RBFOX2: variants seen among roughly 807,000 people sequenced by gnomAD.
The protein encoded by RBFOX2 is RNA binding protein fox-1 homolog 2.
Under a neutral mutation model 49.1 loss-of-function variants are expected in RBFOX2, and 10 were observed. The observed-to-expected ratio is 0.20, with a 90% CI of 0.13 to 0.35. RBFOX2 has a LOEUF of 0.35. RBFOX2 is among the 10% of genes least tolerant of loss of function. RBFOX2 has a pLI of 1.00. For missense variants in RBFOX2, 323 were observed against 486.9 expected (o/e 0.66, Z 3.17); for synonymous variants, 183 against 187.4 (o/e 0.98, Z 0.19).
At chr22:35,870,509 T>A (rs2044240581) in intron 1 of RBFOX2, among the ~76,000 whole-genome samples, 1 of 152,020 alleles carries the variant, frequency 6.6e-6, no homozygotes, top group Non-Finnish European at 1.5e-5. Flanking sequence ...AAATAAAAAG[T>A]CATGTGATAA....
chr22:36,008,749 G>A (rs2058708578), intron 1 of RBFOX2, among the ~76,000 whole-genome samples: 1 of 151,954 alleles, frequency 6.6e-6, no homozygotes. Context: ...ACCTGGGAGG[G>A]GGAGGTTGCA....
chr22:35,829,798 T>C (rs1956448969), intron 1 of RBFOX2, among the ~76,000 whole-genome samples: 1 of 152,274 alleles, frequency 6.6e-6, no homozygotes, highest in East Asian at 1.9e-4. Context: ...TAAGATTTCA[T>C]TGTCACCTTC....
intron 1 of RBFOX2, among the ~76,000 whole-genome samples, chr22:35,961,265 T>C (rs1000046766): frequency 3.9e-5 from 6 of 152,154 alleles, no homozygotes; most frequent in African/African-American, 7.2e-5. Context: ...TACCCTCACA[T>C]ACAAGGGATA....
chr22:35,788,146 ATTGATTGATTTTTCT>A (rs1184421261), intron 2 of RBFOX2, among the ~76,000 whole-genome samples: 1 of 151,902 alleles, frequency 6.6e-6, no homozygotes, highest in Non-Finnish European at 1.5e-5. Flanking sequence ...TAACTAGGAA[ATTGATTGATTTTTCT>A]GACTCTTCTA....
At chr22:35,805,057 G>A (rs987126647) in intron 2 of RBFOX2, among the ~76,000 whole-genome samples, 2 of 152,022 alleles carry the variant, frequency 1.3e-5, no homozygotes, top group Non-Finnish European at 2.9e-5. Flanking sequence ...GGAGGCCGAG[G>A]CGGGCGGATC....
At chr22:35,898,051 C>T (rs1490136899) in intron 1 of RBFOX2, 6 of 728,716 alleles carry the variant, frequency 8.2e-6, no homozygotes, top group African/African-American at 3.5e-5. Flanking sequence ...TTCCACTACT[C>T]GTCAGATAGA....
chr22:35,951,839 T>C (rs1315977459), intron 1 of RBFOX2, among the ~76,000 whole-genome samples: 9 of 152,188 alleles, frequency 5.9e-5, no homozygotes, highest in Non-Finnish European at 8.8e-5. Context: ...GGCTTTCTAC[T>C]ATGGTGTTTA....
intron 1 of RBFOX2, among the ~76,000 whole-genome samples, chr22:35,909,862 C>T (rs978666506): frequency 6.6e-6 from 1 of 152,198 alleles, no homozygotes; most frequent in African/African-American, 2.4e-5. Flanking sequence ...ATCCACCCAC[C>T]TCGGCCTCCC....
intron 1 of RBFOX2, among the ~76,000 whole-genome samples, chr22:35,826,939 G>A (rs1465027592): frequency 1.3e-5 from 2 of 152,082 alleles, no homozygotes; most frequent in Non-Finnish European, 2.9e-5. Flanking sequence ...TTGATCATGG[G>A]TAATTGAAAC....
intron 5 of RBFOX2, among the ~76,000 whole-genome samples, chr22:35,767,726 T>C (rs1661613274): frequency 1.3e-5 from 2 of 152,166 alleles, no homozygotes; most frequent in Admixed American, 6.5e-5. Context: ...ACACGAGTTT[T>C]GGATTATTTC....
intron 1 of RBFOX2, among the ~76,000 whole-genome samples, chr22:35,823,538 G>A (rs1056959903): frequency 6.6e-6 from 1 of 152,126 alleles, no homozygotes; most frequent in Non-Finnish European, 1.5e-5. Flanking sequence ...AGAGATGTGA[G>A]GCAAATGAAA....
chr22:35,811,088 G>T (rs1402701130), intron 1 of RBFOX2, among the ~76,000 whole-genome samples: 1 of 151,964 alleles, frequency 6.6e-6, no homozygotes, highest in Non-Finnish European at 1.5e-5. Flanking sequence ...TGTCTCCAAT[G>T]TCCAAGAATC....
chr22:35,947,672 TAAAAAAAAAAA>T (rs559788717), intron 1 of RBFOX2, among the ~76,000 whole-genome samples: 121 of 34,134 alleles, frequency 3.5e-3, no homozygotes, highest in African/African-American at 7.9e-3. Context: ...GTTTAAAAAG[TAAAAAAAAAAA>T]AAAAAAAAAA....
chr22:35,951,241 C>CTTTTTTT (rs1208551684), intron 1 of RBFOX2, among the ~76,000 whole-genome samples: 3 of 78,330 alleles, frequency 3.8e-5, no homozygotes, highest in East Asian at 3.5e-4. Flanking sequence ...GCACCCGGCC[C>CTTTTTTT]TTTTTTTTTT....
intron 1 of RBFOX2, among the ~76,000 whole-genome samples, chr22:35,886,742 T>G: frequency 6.6e-6 from 1 of 152,240 alleles, no homozygotes. Context: ...CTGCATTGAC[T>G]GATGCCTTCA....
intron 1 of RBFOX2, among the ~76,000 whole-genome samples, chr22:36,021,797 C>T (rs1288005872): frequency 6.6e-6 from 1 of 152,194 alleles, no homozygotes; most frequent in African/African-American, 2.4e-5. Context: ...AGCAGCTTTG[C>T]TACTTTCCTA....
upstream of RBFOX2, among the ~76,000 whole-genome samples, chr22:35,940,292 G>A (rs1021292081): frequency 1.3e-5 from 2 of 152,148 alleles, no homozygotes. Flanking sequence ...AAAATGTGTA[G>A]GAATTCAGAC....
chr22:35,757,316 C>G (rs1256401428), intron 9 of RBFOX2, among the ~76,000 whole-genome samples: 1 of 150,960 alleles, frequency 6.6e-6, no homozygotes, highest in Non-Finnish European at 1.5e-5. Flanking sequence ...CAGACTTATA[C>G]AGACTTTCCC....
At chr22:35,914,090 G>A (rs2050135481) in intron 1 of RBFOX2, among the ~76,000 whole-genome samples, 5 of 152,112 alleles carry the variant, frequency 3.3e-5, no homozygotes, top group Admixed American at 2.0e-4. Flanking sequence ...TGAAAATGCT[G>A]GCAGGACTTC....
Sources: allele counts gnomAD v4.1 joint callset (sites outside exome capture counted in the v4.1 genomes callset), GRCh38; gene constraint gnomAD v4.1.1; transcripts MANE v1.5; gene names NCBI Gene and HGNC (gene_info 2026-07-23, HGNC 2026-07-21).